RHOT1: variants seen among roughly 807,000 people sequenced by gnomAD.
RHOT1 encodes mitochondrial Rho GTPase 1.
Under a neutral mutation model 95.3 loss-of-function variants are expected in RHOT1, and 27 were observed. The ratio of observed to expected loss-of-function variants is 0.28; its 90% CI spans 0.21 to 0.39. The LOEUF (loss-of-function observed/expected upper bound fraction) is 0.39. Ranked by LOEUF, RHOT1 falls within the 10% of genes least tolerant of loss-of-function variation. The pLI, the probability that RHOT1 is intolerant of heterozygous loss-of-function variation, is 1.00. For missense variants in RHOT1, 578 were observed against 786.7 expected, an observed-to-expected ratio of 0.73 and a Z score of 3.17; for synonymous variants, 227 against 263.5, an observed-to-expected ratio of 0.86 and a Z score of 1.34.
chr17:32,202,805 C>T lies in RHOT1; in HGVS notation c.1237C>T (p.Gln413Ter). ...TAAAAAGATAGACCTGCAGAAAAAA[C>T]AAACTCAAAGAAATGTGTTCAGATG... The part of the protein sequence containing the change: ...RDKKIDLQKK[Q>*]TQRNVFRCNV... Residue 413 changes from glutamine to a stop codon, truncating the protein, a stop_gained, in exon 15 of 20, where the codon CAA (glutamine) becomes TAA (stop). Coordinates refer to ENST00000545287, the MANE Select transcript of RHOT1 (RefSeq NM_001033566.3). LOFTEE classifies it high-confidence loss of function. 6.2e-7 allele frequency: 1 copy of T among 1,605,870 alleles called. No individual in the cohort carries two copies. The highest frequency in any genetic ancestry group is 2.2e-5 in the East Asian group (1 of 44,676).
rs1395186649 is a variant in RHOT1, at chr17:32,142,576, C to G, written c.-117C>G. On this transcript the variant is annotated 5_prime_UTR_variant, in exon 1 of 20. Coordinates refer to ENST00000545287, the MANE Select transcript of RHOT1 (RefSeq NM_001033566.3). ...TGCGGGGAAGCAACTGAGGGGGCGG[C>G]GCGGCGGGCCCCGGCGGCCGAAGAG... The G allele has an allele frequency of 1.2e-6, 1 of 814,178 alleles. No homozygotes were observed. Among genetic ancestry groups the G allele is most frequent in the South Asian group, 2.1e-5 (1 of 46,572 alleles). The allele number at this position is 814,178 out of a possible 1,614,324, so 50.4% of individuals were successfully genotyped here. A position where few individuals can be genotyped will look rare whatever the true frequency, so the allele number is the denominator to read the frequency against.
intron 14 of RHOT1, 73 bp downstream of exon 14, chr17:32,201,129 A>C: frequency 1.2e-6 from 1 of 853,492 alleles, no homozygotes; most frequent in Non-Finnish European, 1.9e-6. Flanking sequence ...TGTAACAAAG[A>C]GTAAGAATAC....
At chr17:32,223,089 T>A (rs2038929536) in intron 19 of RHOT1, among the ~76,000 whole-genome samples, 1 of 152,058 alleles carries the variant, frequency 6.6e-6, no homozygotes, top group East Asian at 1.9e-4. Flanking sequence ...TTTTTTTTTT[T>A]AAATAGAAAC....
chr17:32,153,228 A>G (rs1453796970), intron 1 of RHOT1, among the ~76,000 whole-genome samples: 2 of 152,262 alleles, frequency 1.3e-5, no homozygotes, highest in African/African-American at 4.8e-5. Context: ...GGGGATTATG[A>G]GAAGAATCAG....
chr17:32,224,707 T>C lies in RHOT1; in HGVS notation c.1954T>C (p.Tyr652His). Reference protein sequence around the residue: ...TVFAVLGFAMYKALLKQR With the variant: ...TVFAVLGFAMHKALLKQR Reference sequence around the variant, plus strand: ...TTTTGCAGTTTTGGGCTTTGCTATGTACAAAGCATTATTGAAACAGCGATG... The same window carrying C: ...TTTTGCAGTTTTGGGCTTTGCTATGCACAAAGCATTATTGAAACAGCGATG... Residue 652 changes from tyrosine (Y) to histidine (H), a missense_variant, in exon 20 of 20, where the codon TAC becomes CAC. By Grantham distance (83) the Tyr-to-His change is moderately conservative (BLOSUM62 2). Coordinates refer to ENST00000545287, the MANE Select transcript of RHOT1 (RefSeq NM_001033566.3). 6.2e-7 allele frequency: 1 copy of C among 1,610,054 alleles called. No homozygotes were observed. The highest frequency in any genetic ancestry group is 8.5e-7 in the Non-Finnish European group (1 of 1,177,082).
intron 1 of RHOT1, among the ~76,000 whole-genome samples, chr17:32,167,898 G>GGT (rs1389828420): frequency 6.6e-6 from 1 of 151,916 alleles, no homozygotes; most frequent in Non-Finnish European, 1.5e-5. Context: ...CACTGGATGT[G>GGT]GTGGCGTGGC....
At position 32,221,081 on chromosome 17, in the gene RHOT1, G is replaced by A. The variant is rs117447311; in HGVS notation, c.1863-3535G>A. 2.3e-4 allele frequency: 223 copies of A among 983,498 alleles called. 3 individuals are homozygous for A. The East Asian group carries it at 0.022, about 95-fold the overall frequency. 60.9% of individuals were successfully genotyped at this position (983,498 alleles called of 1,614,324 possible). A position where few individuals can be genotyped will look rare whatever the true frequency, so the allele number is the denominator to read the frequency against. ...TCTGCTTAAGTTTAGAAATGAGCCAGAAGCGGCCAGGCGTGGTGGCTCACG... is the reference window on the plus strand; with the variant it reads ...TCTGCTTAAGTTTAGAAATGAGCCAAAAGCGGCCAGGCGTGGTGGCTCACG... On this transcript the variant is annotated intron_variant, in intron 19 of 19. Transcript: ENST00000545287.
intron 2 of RHOT1, among the ~76,000 whole-genome samples, chr17:32,172,230 C>CT (rs988387484): frequency 2.0e-5 from 3 of 151,926 alleles, no homozygotes; most frequent in Non-Finnish European, 4.4e-5. Context: ...TTATTTTTTG[C>CT]TTTTTTTCTC....
At chr17:32,158,738 A>G (rs933597608) in intron 1 of RHOT1, among the ~76,000 whole-genome samples, 7 of 152,202 alleles carry the variant, frequency 4.6e-5, no homozygotes, top group African/African-American at 1.4e-4. Context: ...GATTGCAGGC[A>G]TGAGCCAGCG....
At chr17:32,163,919 G>A (rs187388392) in intron 1 of RHOT1, among the ~76,000 whole-genome samples, 45 of 152,186 alleles carry the variant, frequency 3.0e-4, no homozygotes, top group African/African-American at 1.1e-3. Context: ...CACTTTGGGA[G>A]GCCGAGGCAG....
rs2039066040 is a variant in RHOT1 at position 32,225,294 on chromosome 17, C to CA, written c.*562dup. Reference sequence around the variant, plus strand: ...TGGTAGGCCAGCCTTGAAGCCATCGCACAGTCTAGAAACTTGTGTAGCTGA... The same window carrying CA: ...TGGTAGGCCAGCCTTGAAGCCATCGCAACAGTCTAGAAACTTGTGTAGCTGA... On this transcript the variant is annotated 3_prime_UTR_variant, in exon 20 of 20. Transcript: ENST00000545287. 1 of 153,288 alleles carries CA rather than the reference C, an allele frequency of 6.5e-6. No homozygotes were observed. Among genetic ancestry groups the CA allele is most frequent in the African/African-American group, 2.4e-5 (1 of 41,572 alleles). The allele number at this position is 153,288 out of a possible 1,614,324, so 9.5% of individuals were successfully genotyped here.
intron 1 of RHOT1, among the ~76,000 whole-genome samples, chr17:32,167,646 G>A (rs2034210318): frequency 6.6e-6 from 1 of 152,210 alleles, no homozygotes; most frequent in South Asian, 2.1e-4. Context: ...ACCTGCATTA[G>A]CCCCTAACAA....
At chr17:32,165,903 G>A (rs2034033645) in intron 1 of RHOT1, among the ~76,000 whole-genome samples, 1 of 151,974 alleles carries the variant, frequency 6.6e-6, no homozygotes, top group Non-Finnish European at 1.5e-5. Flanking sequence ...TATGTTTATA[G>A]GCTAGGTGTG....
At chr17:32,192,452 A>G (rs577123614) in intron 9 of RHOT1, among the ~76,000 whole-genome samples, 153 bp downstream of exon 9, 4 of 150,838 alleles carry the variant, frequency 2.7e-5, no homozygotes, top group South Asian at 2.1e-4. Context: ...CAACCTATAT[A>G]TGCCTAAACT....
At chr17:32,181,595 C>T (rs1309410285) in intron 6 of RHOT1, among the ~76,000 whole-genome samples, 2 of 152,106 alleles carry the variant, frequency 1.3e-5, no homozygotes, top group East Asian at 3.8e-4. Context: ...TACTGAGGTA[C>T]ATACCTGTTA....
Position 32,225,017 on chromosome 17 carries a change from G to T in RHOT1, c.*284G>T. The T allele has an allele frequency of 5.0e-6, 1 of 201,290 alleles. No individual in the cohort carries two copies. The highest frequency in any genetic ancestry group is 1.0e-5 in the Non-Finnish European group (1 of 96,330). 12.5% of individuals were successfully genotyped at this position (201,290 alleles called of 1,614,324 possible). On this transcript the variant is annotated 3_prime_UTR_variant, in exon 20 of 20. Transcript: ENST00000545287. ...ATTCAGGCAAGATATGGTCTCCCAA[G>T]CTGAGTTCTAGAAATGATGTTTCTA...
intron 1 of RHOT1, among the ~76,000 whole-genome samples, chr17:32,148,155 C>T (rs905073094): frequency 6.6e-6 from 1 of 152,106 alleles, no homozygotes; most frequent in Non-Finnish European, 1.5e-5. Flanking sequence ...GTCCCAGTTA[C>T]TCGGGAGGCC....
intron 16 of RHOT1, 51 bp from the exon 17 acceptor site, chr17:32,206,859 T>C: frequency 7.9e-7 from 1 of 1,267,834 alleles, no homozygotes; most frequent in Non-Finnish European, 1.1e-6. Flanking sequence ...CATGACTTAA[T>C]ATATCAATAT....
At chr17:32,213,095 T>C (rs2038236159) in intron 19 of RHOT1, among the ~76,000 whole-genome samples, 1 of 152,342 alleles carries the variant, frequency 6.6e-6, no homozygotes, top group Admixed American at 6.5e-5. Flanking sequence ...TATATTGTCT[T>C]GGGGCTAATT....
Sources: allele counts gnomAD v4.1 joint callset (sites outside exome capture counted in the v4.1 genomes callset), GRCh38; gene constraint gnomAD v4.1.1; transcripts MANE v1.5; gene names NCBI Gene and HGNC (gene_info 2026-07-23, HGNC 2026-07-21).